PTCHD4: variants seen among roughly 807,000 people sequenced by gnomAD.
PTCHD4 encodes patched domain-containing protein 4.
In PTCHD4, 33 loss-of-function variants were observed where a neutral mutation model predicts 58.1. The ratio of observed to expected loss-of-function variants is 0.57; its 90% CI spans 0.43 to 0.76. The LOEUF (loss-of-function observed/expected upper bound fraction) is 0.76, where lower values mean the gene tolerates loss of function less well. Among genes scored for constraint, PTCHD4 ranks in the 30% least tolerant of loss-of-function variants. The probability of loss-of-function intolerance (pLI) is 0.00; values close to 1 mark genes in which losing one functional copy is unlikely to be tolerated. For synonymous variants in PTCHD4, 478 were observed against 409.6 expected, an observed-to-expected ratio of 1.17 and a Z score of -2.02; for missense variants, 1,058 against 1,027.1, an observed-to-expected ratio of 1.03 and a Z score of -0.41.
At chr6:48,051,056 T>C (rs1219404012) in intron 3 of PTCHD4, among the ~76,000 whole-genome samples, 1 of 152,004 alleles carries the variant, frequency 6.6e-6, no homozygotes, top group Non-Finnish European at 1.5e-5. Flanking sequence ...TGAACATCAA[T>C]TCTCAGGAAC....
chr6:48,086,238 T>A (rs150905214), intron 1 of PTCHD4, among the ~76,000 whole-genome samples: 2 of 152,288 alleles, frequency 1.3e-5, no homozygotes, highest in East Asian at 3.9e-4. Flanking sequence ...CTAATAAAAG[T>A]TTAATTATGG....
chr6:47,994,959 T>C (rs1768426528), intron 4 of PTCHD4, among the ~76,000 whole-genome samples: 1 of 152,128 alleles, frequency 6.6e-6, no homozygotes, highest in Non-Finnish European at 1.5e-5. Flanking sequence ...AGAAAAATGT[T>C]CTAGGAAGTT....
At chr6:48,041,021 C>T (rs1763828517) in intron 3 of PTCHD4, among the ~76,000 whole-genome samples, 1 of 151,988 alleles carries the variant, frequency 6.6e-6, no homozygotes, top group South Asian at 2.1e-4. Context: ...ACGGCAGTTC[C>T]ATTTTGAATA....
intron 1 of PTCHD4, among the ~76,000 whole-genome samples, chr6:48,091,965 C>A (rs186280548): frequency 6.6e-6 from 1 of 151,578 alleles, no homozygotes; most frequent in Non-Finnish European, 1.5e-5. Context: ...TTCTAAGATG[C>A]CCAGATTAAG....
intron 4 of PTCHD4, among the ~76,000 whole-genome samples, chr6:47,946,986 A>G (rs1201616213): frequency 2.6e-5 from 4 of 151,968 alleles, no homozygotes; most frequent in African/African-American, 4.8e-5. Context: ...ACAGGTGTGC[A>G]CCACCGTGCC....
chr6:47,903,372 A>G (rs1764773496), intron 4 of PTCHD4, among the ~76,000 whole-genome samples: 1 of 152,004 alleles, frequency 6.6e-6, no homozygotes, highest in South Asian at 2.1e-4. Context: ...GCTGGAGTGC[A>G]GTGGCACAAT....
intron 3 of PTCHD4, among the ~76,000 whole-genome samples, chr6:48,028,311 G>C (rs187444595): frequency 4.1e-4 from 63 of 151,940 alleles, no homozygotes; most frequent in Admixed American, 1.3e-3. Flanking sequence ...ATTTGGCTAA[G>C]GTTAAAAGTG....
At position 47,879,646 on chromosome 6, in the gene PTCHD4, G is replaced by C; in HGVS notation, c.1189C>G (p.Arg397Gly). The part of the protein sequence containing the change: ...LVFAGQLEQN[R>G]YHSIFCCKIP... ...TTACAGCAAAAGATGCTGTGGTAGC[G>C]GTTTTGCTCTAGTTGGCCAGCAAAG... Residue 397 changes from arginine (R) to glycine (G), a missense_variant, in exon 5 of 5, where the codon CGC (arginine) becomes GGC (glycine). By Grantham distance (125) the Arg-to-Gly change is moderately radical. Coordinates refer to ENST00000339488, the MANE Select transcript of PTCHD4 (RefSeq NM_001384253.1). The C allele has an allele frequency of 6.2e-7, 1 of 1,613,594 alleles. No homozygotes were observed. The highest frequency in any genetic ancestry group is 8.5e-7 in the Non-Finnish European group (1 of 1,179,700).
rs373664368 is a variant in PTCHD4, at chr6:48,006,317, C to CG, written c.898+2316_898+2317insC. ...TTATTTGTTTAAAGAACGGAAATAC[C>CG]TCTCGGGCTTCACAGAGCCTAGGTT... is the stretch of plus-strand genomic sequence containing the variant. On this transcript the variant is annotated intron_variant, in intron 4 of 4. Transcript: ENST00000339488. Among the ~76,000 whole-genome samples the CG allele has an allele frequency of 3.8e-3, 578 of 152,254 alleles. 2 individuals carry two copies. The highest frequency in any genetic ancestry group is 0.013 in the African/African-American group (548 of 41,556).
chr6:47,987,314 G>T (rs1310557365), intron 4 of PTCHD4, among the ~76,000 whole-genome samples: 2 of 150,956 alleles, frequency 1.3e-5, no homozygotes, highest in African/African-American at 4.9e-5. Context: ...GCTAAATGAT[G>T]AGTTAATGGG....
rs1294776033 is a variant in PTCHD4 at position 47,874,993 on chromosome 6, T to C, written c.*3310A>G. On this transcript the variant is annotated 3_prime_UTR_variant, in exon 5 of 5. Transcript: ENST00000339488. ...TGAAGTTTATTAACATCAAAGAGAG[T>C]GGAGCTCACATGGCACTTTCCAATT... Among the ~76,000 whole-genome samples the C allele has an allele frequency of 6.6e-6, 1 of 151,674 alleles. No individual in the cohort carries two copies. The highest frequency in any genetic ancestry group is 1.5e-5 in the Non-Finnish European group (1 of 67,822).
At chr6:47,886,643 G>A (rs917144818) in intron 4 of PTCHD4, among the ~76,000 whole-genome samples, 4 of 151,968 alleles carry the variant, frequency 2.6e-5, no homozygotes, top group African/African-American at 9.7e-5. Flanking sequence ...AATGAATAAT[G>A]AATAAAAAAA....
At chr6:48,017,523 A>C in intron 3 of PTCHD4, among the ~76,000 whole-genome samples, 1 of 152,362 alleles carries the variant, frequency 6.6e-6, no homozygotes, top group East Asian at 1.9e-4. Flanking sequence ...AATAAGTTTA[A>C]AAGAGAACTC....
Position 47,878,873 on chromosome 6 carries a change from G to A in PTCHD4, c.1962C>T (p.Val654=). 2 of 1,613,690 alleles carry A rather than the reference G, an allele frequency of 1.2e-6. No individual in the cohort carries two copies. Among genetic ancestry groups the A allele is most frequent in the Non-Finnish European group, 1.7e-6 (2 of 1,179,772 alleles). The stretch of plus-strand genomic sequence containing the variant: ...AGCCTGCAATCAGAACAGGCACTGT[G>A]ACAGACAAGCTGTAATGGTCCATGA... ...FVFMDHYSLS[V]TVPVLIAGFG... is the part of the protein sequence containing the mutation. The change falls in exon 5 of 5, where the codon GTC becomes GTT. Residue 654 remains valine, a synonymous_variant. Transcript: ENST00000339488.
chr6:48,077,742 G>A (rs1765086821), intron 1 of PTCHD4, among the ~76,000 whole-genome samples: 1 of 152,134 alleles, frequency 6.6e-6, no homozygotes, highest in Non-Finnish European at 1.5e-5. Context: ...TTGTATCTCA[G>A]GGGAATAGGC....
At chr6:47,884,092 A>ATGTGTG (rs151246264) in intron 4 of PTCHD4, among the ~76,000 whole-genome samples, 15 of 149,850 alleles carry the variant, frequency 1.0e-4, no homozygotes, top group African/African-American at 2.2e-4. Flanking sequence ...TTATGTATGT[A>ATGTGTG]TGTGTGTGTG....
chr6:48,043,135 A>C (rs1053061185), intron 3 of PTCHD4, among the ~76,000 whole-genome samples: 3 of 151,930 alleles, frequency 2.0e-5, no homozygotes, highest in Non-Finnish European at 2.9e-5. Context: ...AAAAGGCTCA[A>C]ACACACACAC....
At chr6:47,953,717 T>C (rs1335766817) in intron 4 of PTCHD4, among the ~76,000 whole-genome samples, 2 of 152,182 alleles carry the variant, frequency 1.3e-5, no homozygotes, top group Non-Finnish European at 2.9e-5. Context: ...GGTGATGTAT[T>C]GATGTGACTG....
intron 4 of PTCHD4, among the ~76,000 whole-genome samples, chr6:48,003,958 T>A (rs1768843989): frequency 6.7e-6 from 1 of 149,798 alleles, no homozygotes. Context: ...AAGGCTTTTA[T>A]CTGACCACTT....
Sources: allele counts gnomAD v4.1 joint callset (sites outside exome capture counted in the v4.1 genomes callset), GRCh38; gene constraint gnomAD v4.1.1; transcripts MANE v1.5; gene names NCBI Gene and HGNC (gene_info 2026-07-23, HGNC 2026-07-21).